Variants in KCNC2 observed in about 807,000 individuals in gnomAD.
The protein encoded by KCNC2 is voltage-gated potassium channel KCNC2.
KCNC2 carries 21 observed loss-of-function variants against 44.5 expected under a neutral mutation model. That is an observed-to-expected ratio of 0.47 (90% CI 0.33 to 0.68). KCNC2 has a LOEUF of 0.68. KCNC2 is among the 30% of genes least tolerant of loss of function. The pLI, the probability that KCNC2 is intolerant of heterozygous loss-of-function variation, is 0.01. For synonymous variants in KCNC2, 391 were observed against 339.1 expected (o/e 1.15, Z -1.68); for missense variants, 589 against 826.2 (o/e 0.71, Z 3.52).
At chr12:75,187,189 C>T (rs1467351569) in intron 2 of KCNC2, among the ~76,000 whole-genome samples, 1 of 152,172 alleles carries the variant, frequency 6.6e-6, no homozygotes, top group Non-Finnish European at 1.5e-5. Flanking sequence ...CTTTAATACA[C>T]AATGTGCATT....
intron 2 of KCNC2, among the ~76,000 whole-genome samples, chr12:75,128,099 G>T (rs1888564929): frequency 6.6e-6 from 1 of 151,806 alleles, no homozygotes; most frequent in South Asian, 2.1e-4. Flanking sequence ...ATTCTCTATG[G>T]CCCACAATGG....
chr12:75,205,873 T>C (rs1398456913), intron 2 of KCNC2, among the ~76,000 whole-genome samples: 1 of 148,512 alleles, frequency 6.7e-6, no homozygotes, highest in East Asian at 1.9e-4. Context: ...GCCAACTCTG[T>C]TGTTGAATTT....
chr12:75,174,993 G>C (rs1328757606), intron 2 of KCNC2, among the ~76,000 whole-genome samples: 1 of 151,922 alleles, frequency 6.6e-6, no homozygotes, highest in Admixed American at 6.6e-5. Flanking sequence ...AGAGAACAGA[G>C]AAACTGTAGT....
At chr12:75,119,614 T>C (rs934131092) in intron 2 of KCNC2, among the ~76,000 whole-genome samples, 15 of 152,346 alleles carry the variant, frequency 9.8e-5, no homozygotes, top group South Asian at 2.1e-4. Flanking sequence ...TTCTGCATTG[T>C]TTGCATTTAG....
chr12:75,182,520 CAAAAAAAA>C (rs71438888), intron 2 of KCNC2, among the ~76,000 whole-genome samples: 8 of 81,428 alleles, frequency 9.8e-5, no homozygotes, highest in African/African-American at 1.6e-4. Flanking sequence ...GATTCCGTCT[CAAAAAAAA>C]AAAAAAAAAC....
At chr12:75,187,253 T>C (rs114031755) in intron 2 of KCNC2, among the ~76,000 whole-genome samples, 3,284 of 152,328 alleles carry the variant, frequency 0.022, 107 homozygotes, top group African/African-American at 0.075. Flanking sequence ...ATGCAATTTA[T>C]TTTTTATGAG....
At chr12:75,109,739 A>G (rs564247605) in intron 2 of KCNC2, among the ~76,000 whole-genome samples, 6 of 152,250 alleles carry the variant, frequency 3.9e-5, no homozygotes, top group African/African-American at 1.4e-4. Flanking sequence ...CAAAAAGGCC[A>G]CGGAACCCAG....
chr12:75,133,045 G>T (rs2471665), intron 2 of KCNC2, among the ~76,000 whole-genome samples: 90,292 of 151,748 alleles, frequency 0.6, 29,913 homozygotes, highest in African/African-American at 0.9. Context: ...CAGATAAAGT[G>T]ACTATAAAAA....
chr12:75,084,230 TATAG>T (rs34214855), intron 2 of KCNC2, among the ~76,000 whole-genome samples: 122,785 of 144,936 alleles, frequency 0.85, 52,752 homozygotes, highest in Admixed American at 0.9. Flanking sequence ...TGATGATAGA[TATAG>T]ATAGATAGAT....
intron 2 of KCNC2, among the ~76,000 whole-genome samples, chr12:75,133,289 T>A (rs77748890): frequency 0.033 from 4,986 of 151,888 alleles, 277 homozygotes; most frequent in African/African-American, 0.11. Flanking sequence ...ATTTGGAATA[T>A]CCTCAACAAA....
intron 2 of KCNC2, among the ~76,000 whole-genome samples, chr12:75,086,262 A>G (rs1232958968): frequency 6.6e-6 from 1 of 152,010 alleles, no homozygotes; most frequent in Non-Finnish European, 1.5e-5. Context: ...AAGTCTGGTT[A>G]TTAGAAGACA....
At chr12:75,202,934 G>A (rs2031404973) in intron 2 of KCNC2, among the ~76,000 whole-genome samples, 1 of 151,150 alleles carries the variant, frequency 6.6e-6, no homozygotes, top group South Asian at 2.1e-4. Flanking sequence ...TGAAGGCAAA[G>A]GATTATATCT....
At chr12:75,159,625 C>T (rs1410966447) in intron 2 of KCNC2, among the ~76,000 whole-genome samples, 4 of 151,880 alleles carry the variant, frequency 2.6e-5, no homozygotes. Flanking sequence ...CAATTTCTAA[C>T]ATCGCTGGAC....
chr12:75,066,034 AC>A (rs1565823227), intron 2 of KCNC2, among the ~76,000 whole-genome samples: 1 of 152,138 alleles, frequency 6.6e-6, no homozygotes, highest in Non-Finnish European at 1.5e-5. Flanking sequence ...TATCAAATAT[AC>A]GTCTATTAAA....
chr12:75,178,131 C>T (rs1258619050), intron 2 of KCNC2, among the ~76,000 whole-genome samples: 1 of 151,944 alleles, frequency 6.6e-6, no homozygotes, highest in Non-Finnish European at 1.5e-5. Flanking sequence ...GAAGGCATGT[C>T]CTGGCATGAA....
intron 2 of KCNC2, among the ~76,000 whole-genome samples, chr12:75,062,291 T>A (rs973056546): frequency 6.6e-6 from 1 of 152,050 alleles, no homozygotes; most frequent in African/African-American, 2.4e-5. Context: ...GCTAGACTGA[T>A]AAAATAGTGT....
At chr12:75,145,635 A>G (rs1889967971) in intron 2 of KCNC2, among the ~76,000 whole-genome samples, 1 of 152,126 alleles carries the variant, frequency 6.6e-6, no homozygotes, top group African/African-American at 2.4e-5. Context: ...TGAGGCTAAA[A>G]CTGGGGGTAA....
chr12:75,050,348 C>T lies in KCNC2; in HGVS notation c.1615+42G>A, dbSNP rs1359386927. 7 of 1,376,634 alleles carry T rather than the reference C, an allele frequency of 5.1e-6. 1 individual carries two copies. The highest frequency in any genetic ancestry group is 7.1e-6 in the Non-Finnish European group (7 of 988,642). 85.3% of individuals were successfully genotyped at this position (1,376,634 alleles called of 1,614,324 possible). A position where few individuals can be genotyped will look rare whatever the true frequency, so the allele number is the denominator to read the frequency against. ...CCTTCTGCCTAAGGAACATACTGGT[C>T]TATAAAGTATTTAATAACATGCATT... On this transcript the variant is annotated intron_variant, in intron 3 of 4. Coordinates refer to ENST00000549446, the MANE Select transcript of KCNC2 (RefSeq NM_139137.4).
intron 2 of KCNC2, among the ~76,000 whole-genome samples, chr12:75,141,353 G>A (rs1889638246): frequency 6.6e-6 from 1 of 152,100 alleles, no homozygotes; most frequent in African/African-American, 2.4e-5. Context: ...ATTATCTTGA[G>A]GATTAAATAA....
Sources: gnomAD v4.1 joint callset for allele counts (sites outside exome capture counted in the v4.1 genomes callset) on GRCh38, gnomAD v4.1.1 for gene constraint, MANE v1.5 for transcripts, NCBI Gene and HGNC (gene_info 2026-07-23, HGNC 2026-07-21) for gene names.